The following FAM222A variants were observed in gnomAD, a reference collection of about 807,000 sequenced individuals.
FAM222A encodes the protein family with sequence similarity 222 member A, also known as protein FAM222A.
Under a neutral mutation model 25.8 loss-of-function variants are expected in FAM222A, and 7 were observed. That is an observed-to-expected ratio of 0.27 (90% CI 0.15 to 0.51). The LOEUF (loss-of-function observed/expected upper bound fraction) is 0.51, where lower values mean the gene tolerates loss of function less well. Among genes scored for constraint, FAM222A ranks in the 20% least tolerant of loss-of-function variants. The probability of loss-of-function intolerance (pLI) is 0.97; values close to 1 mark genes in which losing one functional copy is unlikely to be tolerated. For missense variants in FAM222A, 573 were observed against 640.5 expected (o/e 0.89, Z 1.14); for synonymous variants, 294 against 298.8 (o/e 0.98, Z 0.17).
chr12:109,755,762 C>T (rs1888710611), intron 2 of FAM222A, among the ~76,000 whole-genome samples: 1 of 152,198 alleles, frequency 6.6e-6, no homozygotes, highest in Non-Finnish European at 1.5e-5. Flanking sequence ...TGTTTTGGTT[C>T]CCTTGTGAAA....
At chr12:109,751,012 G>T (rs1417826173) in intron 2 of FAM222A, among the ~76,000 whole-genome samples, 1 of 152,080 alleles carries the variant, frequency 6.6e-6, no homozygotes, top group East Asian at 1.9e-4. Flanking sequence ...TGCCCTTTCA[G>T]TTTGCAGATC....
chr12:109,758,592 C>T (rs897595508), intron 2 of FAM222A, among the ~76,000 whole-genome samples: 1 of 152,204 alleles, frequency 6.6e-6, no homozygotes, highest in African/African-American at 2.4e-5. Flanking sequence ...CCCCACACCC[C>T]TCCCATAAAG....
At chr12:109,758,248 G>A (rs1294000554) in intron 2 of FAM222A, among the ~76,000 whole-genome samples, 1 of 152,140 alleles carries the variant, frequency 6.6e-6, no homozygotes, top group Admixed American at 6.5e-5. Flanking sequence ...GAGAGGCAGG[G>A]TCCTTTGTAC....
At chr12:109,766,258 C>T (rs987856166) in intron 2 of FAM222A, among the ~76,000 whole-genome samples, 6 of 152,204 alleles carry the variant, frequency 3.9e-5, no homozygotes, top group Non-Finnish European at 7.3e-5. Flanking sequence ...CCCTCAGCCC[C>T]GGAAAGCTGT....
intron 1 of FAM222A, chr12:109,720,320 A>C: frequency 6.2e-6 from 3 of 481,122 alleles, no homozygotes; most frequent in Non-Finnish European, 8.1e-6. Context: ...TTAATGACCC[A>C]GAGTCTGTGG....
chr12:109,769,573 G>A lies in FAM222A; in HGVS notation c.*285G>A. ...CCTTTATCTAAGCTGGCAGAGGCAG[G>A]GAGAGAGAAACCACTCAAAAACAGG... On this transcript the variant is annotated 3_prime_UTR_variant, in exon 3 of 3. Coordinates refer to ENST00000538780, the MANE Select transcript of FAM222A (RefSeq NM_032829.3). The A allele has an allele frequency of 2.1e-6, 1 of 482,134 alleles. No individual in the cohort carries two copies. Among genetic ancestry groups the A allele is most frequent in the Non-Finnish European group, 3.7e-6 (1 of 271,400 alleles). The allele number at this position is 482,134 out of a possible 1,614,324, so 29.9% of individuals were successfully genotyped here.
intron 2 of FAM222A, among the ~76,000 whole-genome samples, chr12:109,750,089 T>G (rs1888520599): frequency 2.0e-5 from 3 of 152,196 alleles, no homozygotes; most frequent in African/African-American, 7.2e-5. Context: ...CATTTGTGCT[T>G]TATTTAAGTT....
chr12:109,769,250 C>A lies in FAM222A; in HGVS notation c.1321C>A (p.His441Asn), dbSNP rs1388369681. Reference protein sequence around the residue: ...ETVAVPRLLDHQHAHIRLPVY... With the variant: ...ETVAVPRLLDNQHAHIRLPVY... ...GGTGGCCGTGCCCCGGCTACTCGAC[C>A]ACCAGCATGCCCACATCCGCCTACC... is the stretch of plus-strand genomic sequence containing the variant. Residue 441 changes from histidine to asparagine, a missense_variant, in exon 3 of 3, where the codon CAC becomes AAC. Physicochemically the swap from His to Asn is moderately conservative, Grantham distance 68 (BLOSUM62 1). Coordinates refer to ENST00000538780, the MANE Select transcript of FAM222A (RefSeq NM_032829.3). The A allele has an allele frequency of 6.2e-7, 1 of 1,611,518 alleles. No homozygotes were observed. The highest frequency in any genetic ancestry group is 8.5e-7 in the Non-Finnish European group (1 of 1,179,526).
intron 1 of FAM222A, among the ~76,000 whole-genome samples, chr12:109,716,585 T>C (rs1288516830): frequency 1.3e-5 from 2 of 152,116 alleles, no homozygotes; most frequent in African/African-American, 4.8e-5. Flanking sequence ...CAACAGCAGA[T>C]TGGGGGAGAG....
intron 1 of FAM222A, among the ~76,000 whole-genome samples, chr12:109,729,144 G>A (rs1887893228): frequency 6.6e-6 from 1 of 152,158 alleles, no homozygotes; most frequent in African/African-American, 2.4e-5. Context: ...CCACCCTCAG[G>A]ACACATCAGC....
At chr12:109,720,001 T>C in intron 1 of FAM222A, 1 of 716,042 alleles carries the variant, frequency 1.4e-6, no homozygotes, top group Non-Finnish European at 1.7e-6. Context: ...TGCCTCAGTT[T>C]CCTCTTGTTC....
chr12:109,763,179 G>T (rs992504288), intron 2 of FAM222A, among the ~76,000 whole-genome samples: 1 of 152,238 alleles, frequency 6.6e-6, no homozygotes, highest in Non-Finnish European at 1.5e-5. Context: ...CCTCAAGGTG[G>T]AAGTAGGGTG....
intron 1 of FAM222A, among the ~76,000 whole-genome samples, chr12:109,732,038 G>A (rs966963173): frequency 1.3e-5 from 2 of 152,150 alleles, no homozygotes; most frequent in South Asian, 2.1e-4. Flanking sequence ...ACCTTCTCAC[G>A]CAGGGCTGTA....
At chr12:109,743,946 C>T (rs1435292644) in intron 1 of FAM222A, 155 bp from the exon 2 acceptor site, 7 of 985,306 alleles carry the variant, frequency 7.1e-6, no homozygotes, top group African/African-American at 1.7e-5. Context: ...ATGCCTCAGG[C>T]CTTGGTCCCC....
intron 2 of FAM222A, 32 bp from the exon 3 acceptor site, chr12:109,767,980 G>T: frequency 3.1e-6 from 5 of 1,597,456 alleles, no homozygotes; most frequent in Non-Finnish European, 4.3e-6. Flanking sequence ...ATGGCCTCCT[G>T]ATGGGCCCTC....
Position 109,714,195 on chromosome 12 carries a change from G to A in FAM222A, c.-749G>A. On this transcript the variant is annotated 5_prime_UTR_variant, in exon 1 of 3. Coordinates refer to ENST00000538780, the MANE Select transcript of FAM222A (RefSeq NM_032829.3). This position sits in a 1 kb window ranked among gnomAD's most constrained non-coding sequence, Gnocchi z 4.2. ...CCGAGGCTGCATCCGAGCTTGCGTC[G>A]CCCGCTGCCGCCGCCGCCGCCGCTG... 2 of 208,256 alleles carry A rather than the reference G, an allele frequency of 9.6e-6. No individual in the cohort carries two copies. The highest frequency in any genetic ancestry group is 5.9e-5 in the South Asian group (1 of 16,994). The allele number at this position is 208,256 out of a possible 1,614,324, so 12.9% of individuals were successfully genotyped here.
chr12:109,716,577 A>C (rs566262565), intron 1 of FAM222A, among the ~76,000 whole-genome samples: 1 of 152,322 alleles, frequency 6.6e-6, no homozygotes, highest in Admixed American at 6.5e-5. Context: ...CAGAGGAGCA[A>C]CAGCAGATTG....
At chr12:109,753,560 G>A (rs868267148) in intron 2 of FAM222A, among the ~76,000 whole-genome samples, 11 of 105,022 alleles carry the variant, frequency 1.0e-4, no homozygotes, top group Non-Finnish European at 1.5e-4. Flanking sequence ...CCCCCATCCC[G>A]GGGGGGGGAG....
chr12:109,767,834 A>C (rs1318524734), intron 2 of FAM222A, among the ~76,000 whole-genome samples, 178 bp from the exon 3 acceptor site: 2 of 152,204 alleles, frequency 1.3e-5, no homozygotes, highest in Admixed American at 6.5e-5. Flanking sequence ...AAAGTCCATC[A>C]AGCTTATGAT....
Sources: gnomAD v4.1 joint callset for allele counts (sites outside exome capture counted in the v4.1 genomes callset) on GRCh38, gnomAD v4.1.1 for gene constraint, Gnocchi (gnomAD v3.1) non-coding constraint, MANE v1.5 for transcripts, NCBI Gene and HGNC (gene_info 2026-07-23, HGNC 2026-07-21) for gene names.